ST6GAL1: variants seen among roughly 807,000 people sequenced by gnomAD.
The protein encoded by ST6GAL1 is beta-galactoside alpha-2,6-sialyltransferase 1.
ST6GAL1 carries 20 observed loss-of-function variants against 38.0 expected under a neutral mutation model. That is an observed-to-expected ratio of 0.53 (90% CI 0.37 to 0.77). The LOEUF (loss-of-function observed/expected upper bound fraction) is 0.77. Ranked by LOEUF, ST6GAL1 falls within the 30% of genes least tolerant of loss-of-function variation. The pLI is 0.00. For missense variants in ST6GAL1, 432 were observed against 496.4 expected, an observed-to-expected ratio of 0.87 and a Z score of 1.23; for synonymous variants, 196 against 188.2, an observed-to-expected ratio of 1.04 and a Z score of -0.34.
At chr3:187,072,989 C>A in intron 6 of ST6GAL1, 42 bp downstream of exon 6, 1 of 1,481,942 alleles carries the variant, frequency 6.7e-7, no homozygotes, top group South Asian at 1.1e-5. Context: ...AGTTTCCTGT[C>A]TGTCTACAGA....
chr3:187,071,395 C>T (rs573916338), intron 5 of ST6GAL1, among the ~76,000 whole-genome samples: 5 of 152,156 alleles, frequency 3.3e-5, no homozygotes, highest in Admixed American at 6.5e-5. Flanking sequence ...CCATTTGATC[C>T]GCAAGACAGC....
At chr3:186,971,034 C>T (rs529896295) in intron 2 of ST6GAL1, among the ~76,000 whole-genome samples, 12 of 152,318 alleles carry the variant, frequency 7.9e-5, no homozygotes, top group Admixed American at 2.6e-4. Flanking sequence ...CAACATAATC[C>T]ACTTCCTCCA....
Position 187,075,916 on chromosome 3 carries a change from G to A in ST6GAL1, c.*113G>A. Reference sequence around the variant, plus strand: ...TCCAGCCTGCTCCTTTTACTCTAGGGGCCTCTGTCAGCAAGACCATGGGGA... The same window carrying A: ...TCCAGCCTGCTCCTTTTACTCTAGGAGCCTCTGTCAGCAAGACCATGGGGA... On this transcript the variant is annotated 3_prime_UTR_variant, in exon 8 of 8. Transcript: ENST00000169298. This position sits in a 1 kb window ranked among gnomAD's most constrained non-coding sequence, Gnocchi z 4.1. 6.8e-7 allele frequency: 1 copy of A among 1,480,388 alleles called. No homozygotes were observed. Among genetic ancestry groups the A allele is most frequent in the South Asian group, 1.4e-5 (1 of 73,502 alleles). The allele number at this position is 1,480,388 out of a possible 1,614,324, so 91.7% of individuals were successfully genotyped here. A position where few individuals can be genotyped will look rare whatever the true frequency, so the allele number is the denominator to read the frequency against.
chr3:186,999,630 C>T (rs374017574), intron 2 of ST6GAL1, among the ~76,000 whole-genome samples: 32 of 152,024 alleles, frequency 2.1e-4, no homozygotes, highest in East Asian at 1.9e-3. Flanking sequence ...AGGATGGTCT[C>T]GATCTCCTGA....
intron 2 of ST6GAL1, among the ~76,000 whole-genome samples, chr3:187,036,164 C>G (rs954646809): frequency 1.2e-4 from 19 of 152,234 alleles, no homozygotes; most frequent in African/African-American, 4.6e-4. Flanking sequence ...CTCAGTATCA[C>G]TAATTATTAG....
At chr3:187,001,305 T>TG (rs1311844014) in intron 2 of ST6GAL1, among the ~76,000 whole-genome samples, 5 of 152,248 alleles carry the variant, frequency 3.3e-5, no homozygotes, top group African/African-American at 4.8e-5. Context: ...GAGGGATGTG[T>TG]GACTTTGGAC....
intron 2 of ST6GAL1, among the ~76,000 whole-genome samples, chr3:187,023,890 TTAAAA>T (rs1466617177): frequency 6.9e-6 from 1 of 144,112 alleles, no homozygotes; most frequent in Non-Finnish European, 1.5e-5. Flanking sequence ...ATAATAATAA[TTAAAA>T]AAAAAAAAAA....
intron 1 of ST6GAL1, among the ~76,000 whole-genome samples, chr3:186,947,561 G>T (rs1462292892): frequency 6.6e-6 from 1 of 151,976 alleles, no homozygotes; most frequent in African/African-American, 2.4e-5. Flanking sequence ...GTTTAGATTG[G>T]TATTTATTAT....
In ST6GAL1 at chr3:186,965,023, T is replaced by C. The variant is rs1715058645; in HGVS notation, c.-183+1097T>C. ...ATGTTTTGCGTACAGTGAGCCTCCC[T>C]GCCCCTGTAGAGAGGGGCTTAGTTG... On this transcript the variant is annotated intron_variant, in intron 2 of 7. Transcript: ENST00000169298. Among the ~76,000 whole-genome samples the C allele has an allele frequency of 3.3e-5, 5 of 152,240 alleles. No homozygotes were observed. The South Asian group carries it at 1.0e-3, about 31-fold the overall frequency.
intron 1 of ST6GAL1, among the ~76,000 whole-genome samples, chr3:186,947,420 GT>G (rs1285216347): frequency 6.6e-6 from 1 of 152,148 alleles, no homozygotes; most frequent in Non-Finnish European, 1.5e-5. Flanking sequence ...CATGCCCATG[GT>G]TTTTCTATTG....
At chr3:186,966,313 C>T (rs1715114046) in intron 2 of ST6GAL1, among the ~76,000 whole-genome samples, 1 of 152,188 alleles carries the variant, frequency 6.6e-6, no homozygotes, top group South Asian at 2.1e-4. Flanking sequence ...TGTAATCTGT[C>T]TACATTATCT....
intron 1 of ST6GAL1, among the ~76,000 whole-genome samples, chr3:186,934,752 TTATTTATG>T (rs981073813): frequency 1.4e-4 from 21 of 151,448 alleles, no homozygotes; most frequent in African/African-American, 4.8e-4. Flanking sequence ...AAAATTTTAT[TTATTTATG>T]TATTTATTTA....
intron 7 of ST6GAL1, 32 bp downstream of exon 7, chr3:187,074,365 G>A (rs768713591): frequency 9.9e-6 from 15 of 1,512,666 alleles, no homozygotes; most frequent in Middle Eastern, 1.8e-4. Flanking sequence ...GACCTTGCAT[G>A]TTTGTTTCTA....
chr3:187,057,802 C>G (rs966966027), intron 5 of ST6GAL1, among the ~76,000 whole-genome samples: 2 of 152,196 alleles, frequency 1.3e-5, no homozygotes, highest in African/African-American at 4.8e-5. Flanking sequence ...AAACACCGTG[C>G]TGGGAGAACC....
chr3:187,069,723 C>G (rs954941132), intron 5 of ST6GAL1, among the ~76,000 whole-genome samples: 1 of 152,218 alleles, frequency 6.6e-6, no homozygotes, highest in African/African-American at 2.4e-5. Context: ...AGCTCCCTGG[C>G]TTGGCCTCTG....
intron 2 of ST6GAL1, among the ~76,000 whole-genome samples, chr3:187,012,810 C>A (rs1421666709): frequency 2.6e-5 from 4 of 152,184 alleles, no homozygotes; most frequent in African/African-American, 9.7e-5. Context: ...GAGGTCTAAG[C>A]ATGAGGGTGG....
At chr3:186,941,188 T>C (rs926799288) in intron 1 of ST6GAL1, among the ~76,000 whole-genome samples, 7 of 152,216 alleles carry the variant, frequency 4.6e-5, no homozygotes, top group Admixed American at 3.9e-4. Context: ...CCTTCCAAGT[T>C]TGTTTCTGGT....
intron 2 of ST6GAL1, among the ~76,000 whole-genome samples, chr3:186,973,742 T>C (rs996097165): frequency 6.6e-6 from 1 of 152,166 alleles, no homozygotes; most frequent in African/African-American, 2.4e-5. Flanking sequence ...GGAGGCCCTC[T>C]TCATGAACAC....
chr3:187,021,346 C>CT (rs1454226964), intron 2 of ST6GAL1, among the ~76,000 whole-genome samples: 4 of 152,202 alleles, frequency 2.6e-5, no homozygotes, highest in Non-Finnish European at 5.9e-5. Context: ...GCTTTTTAGA[C>CT]TTCAGGGACA....
Sources: gnomAD v4.1 joint callset for allele counts (sites outside exome capture counted in the v4.1 genomes callset) on GRCh38, gnomAD v4.1.1 for gene constraint, Gnocchi (gnomAD v3.1) non-coding constraint, MANE v1.5 for transcripts, NCBI Gene and HGNC (gene_info 2026-07-23, HGNC 2026-07-21) for gene names.